TDP1: variants seen among roughly 807,000 people sequenced by gnomAD.
TDP1 encodes tyrosyl-DNA phosphodiesterase 1.
TDP1 carries 64 observed loss-of-function variants against 81.5 expected under a neutral mutation model. That is an observed-to-expected ratio of 0.79 (90% CI 0.64 to 0.97). The LOEUF (loss-of-function observed/expected upper bound fraction) is 0.97, where lower values mean the gene tolerates loss of function less well. TDP1 is among the 50% of genes least tolerant of loss of function. The pLI, the probability that TDP1 is intolerant of heterozygous loss-of-function variation, is 0.00. For synonymous variants in TDP1, 256 were observed against 264.3 expected (o/e 0.97, Z 0.30); for missense variants, 723 against 743.8 (o/e 0.97, Z 0.33).
At chr14:90,004,692 G>A (rs963027700) in intron 14 of TDP1, among the ~76,000 whole-genome samples, 3 of 152,194 alleles carry the variant, frequency 2.0e-5, no homozygotes, top group Non-Finnish European at 4.4e-5. Flanking sequence ...TCATGAACTT[G>A]CCTTCTAATT....
intron 16 of TDP1, among the ~76,000 whole-genome samples, chr14:90,040,488 A>G (rs1352338815): frequency 6.6e-6 from 1 of 152,208 alleles, no homozygotes; most frequent in Non-Finnish European, 1.5e-5. Flanking sequence ...TGCTACACAG[A>G]TGTGGAAAAG....
rs781326066 is a variant in TDP1, at chr14:90,034,645, T to C, written c.1753+1431T>C. Among the ~76,000 whole-genome samples, 3 of 152,314 alleles carry C rather than the reference T, an allele frequency of 2.0e-5. No homozygotes were observed. The South Asian group carries it at 6.2e-4, about 32-fold the overall frequency. On this transcript the variant is annotated intron_variant, in intron 16 of 16. Transcript: ENST00000335725. ...TAATCAAGACACACTTAATTTAAAA[T>C]GGCAAATTACATCACCAAATCAGCA... is the stretch of plus-strand genomic sequence containing the variant.
At chr14:90,027,125 TTTCC>T (rs1267926402) in intron 15 of TDP1, among the ~76,000 whole-genome samples, 2 of 152,136 alleles carry the variant, frequency 1.3e-5, no homozygotes, top group African/African-American at 4.8e-5. Flanking sequence ...GCACCTCTTG[TTTCC>T]TGACTTTTTA....
chr14:90,031,930 T>G (rs1887329519), intron 15 of TDP1, among the ~76,000 whole-genome samples: 1 of 152,228 alleles, frequency 6.6e-6, no homozygotes, highest in South Asian at 2.1e-4. Context: ...ACTCCTTTGC[T>G]TTTCTTTGCA....
intron 16 of TDP1, 52 bp from the exon 17 acceptor site, chr14:90,043,016 GCA>G: frequency 6.2e-7 from 1 of 1,613,562 alleles, no homozygotes; most frequent in South Asian, 1.1e-5. Context: ...TCAGGTGAGT[GCA>G]TTTTCTACCA....
intron 15 of TDP1, among the ~76,000 whole-genome samples, chr14:90,022,427 C>T (rs114361820): frequency 7.9e-5 from 12 of 152,344 alleles, no homozygotes; most frequent in African/African-American, 2.9e-4. Flanking sequence ...CTGCAGCTAG[C>T]ATGGCTCTGC....
Position 89,967,402 on chromosome 14 carries a change from A to G in TDP1, c.639A>G (p.Lys213=), listed in dbSNP as rs767582064. 1 of 1,614,058 alleles carries G rather than the reference A, an allele frequency of 6.2e-7. No homozygotes were observed. Among genetic ancestry groups the G allele is most frequent in the South Asian group, 1.1e-5 (1 of 91,080 alleles). Residue 213 remains lysine (K), a synonymous_variant, in exon 5 of 17, where the codon AAA becomes AAG. Coordinates refer to ENST00000335725, the MANE Select transcript of TDP1 (RefSeq NM_018319.4). ...NYCFDVDWLV[K]QYPPEFRKKP... is the part of the protein sequence containing the mutation. ...GCTTTGACGTGGACTGGCTCGTAAA[A>G]CAGTATCCACCAGAGTTCAGGTGAG...
chr14:90,018,568 C>T (rs2140257813), intron 14 of TDP1, among the ~76,000 whole-genome samples: 1 of 152,270 alleles, frequency 6.6e-6, no homozygotes, highest in South Asian at 2.1e-4. Flanking sequence ...TCAAGCGATC[C>T]TCCCACCGCA....
At chr14:90,020,248 G>A (rs1885813959) in intron 15 of TDP1, among the ~76,000 whole-genome samples, 1 of 151,944 alleles carries the variant, frequency 6.6e-6, no homozygotes, top group Non-Finnish European at 1.5e-5. Context: ...CACATGGACT[G>A]AGATCTCCCA....
At chr14:90,029,100 T>G (rs1454784864) in intron 15 of TDP1, among the ~76,000 whole-genome samples, 4 of 152,178 alleles carry the variant, frequency 2.6e-5, no homozygotes, top group African/African-American at 9.7e-5. Context: ...TTTGTCATAG[T>G]TCCTGGTGGT....
At chr14:90,022,675 A>G (rs762706778) in intron 15 of TDP1, 27 of 845,220 alleles carry the variant, frequency 3.2e-5, no homozygotes, top group Non-Finnish European at 3.6e-5. Context: ...ATTTTGATAT[A>G]GGAGACTTTA....
At chr14:89,969,463 C>T (rs143325986) in intron 5 of TDP1, among the ~76,000 whole-genome samples, 3 of 152,220 alleles carry the variant, frequency 2.0e-5, no homozygotes, top group Non-Finnish European at 4.4e-5. Context: ...TGTAATAAGT[C>T]GTAGAACCAA....
chr14:90,041,200 A>G (rs888449934), intron 16 of TDP1, among the ~76,000 whole-genome samples: 8 of 152,222 alleles, frequency 5.3e-5, no homozygotes, highest in African/African-American at 1.9e-4. Flanking sequence ...AAGTCCAAGC[A>G]CAGATGGAGT....
chr14:90,043,193 A>G lies in TDP1; in HGVS notation c.*50A>G, dbSNP rs763387690. 2 of 1,612,896 alleles carry G rather than the reference A, an allele frequency of 1.2e-6. No homozygotes were observed. ...AAGTGTAAGACATTGAGCCACAAAC[A>G]TGGAATCTCTTCTTTGTACTGGATG... On this transcript the variant is annotated 3_prime_UTR_variant, in exon 17 of 17. Transcript: ENST00000335725.
chr14:90,032,509 G>A (rs748998825), intron 15 of TDP1, among the ~76,000 whole-genome samples: 5 of 152,116 alleles, frequency 3.3e-5, no homozygotes, highest in Non-Finnish European at 7.3e-5. Flanking sequence ...TTGGAAGGAA[G>A]TGGCAGTGTG....
intron 4 of TDP1, among the ~76,000 whole-genome samples, chr14:89,966,611 T>A (rs911871938): frequency 6.6e-6 from 1 of 152,246 alleles, no homozygotes; most frequent in Non-Finnish European, 1.5e-5. Context: ...CAGTGGCTCC[T>A]TCCTGACTGA....
chr14:89,974,428 C>T (rs1263219181), intron 6 of TDP1, among the ~76,000 whole-genome samples: 1 of 152,166 alleles, frequency 6.6e-6, no homozygotes, highest in Admixed American at 6.5e-5. Context: ...ATAGAGTTCC[C>T]TGCACTTTCT....
intron 14 of TDP1, among the ~76,000 whole-genome samples, chr14:90,006,150 A>C (rs368670301): frequency 6.6e-6 from 1 of 152,166 alleles, no homozygotes; most frequent in African/African-American, 2.4e-5. Flanking sequence ...GTCCAAATCT[A>C]TTTGGTGGTT....
intron 11 of TDP1, 175 bp downstream of exon 11, chr14:89,989,265 C>T: frequency 1.0e-6 from 1 of 972,104 alleles, no homozygotes; most frequent in Non-Finnish European, 1.2e-6. Flanking sequence ...CATTTGTAAT[C>T]AAGTTGCCTT....
Sources: allele counts gnomAD v4.1 joint callset (sites outside exome capture counted in the v4.1 genomes callset), GRCh38; gene constraint gnomAD v4.1.1; transcripts MANE v1.5; gene names NCBI Gene and HGNC (gene_info 2026-07-23, HGNC 2026-07-21).